The following CRHR2 variants were observed in gnomAD, a reference collection of about 807,000 sequenced individuals.
The protein encoded by CRHR2 is corticotropin releasing hormone receptor 2, also known as corticotropin-releasing hormone receptor 2.
A neutral mutation model predicts 57.9 loss-of-function variants in CRHR2; 53 were observed. The ratio of observed to expected loss-of-function variants is 0.92; its 90% CI spans 0.73 to 1.15. CRHR2 has a LOEUF of 1.15. Ranked by LOEUF, CRHR2 falls within the 50% of genes most tolerant of loss-of-function variation. CRHR2 has a pLI of 0.00. For missense variants in CRHR2, 532 were observed against 542.6 expected (o/e 0.98, Z 0.19); for synonymous variants, 213 against 220.9 (o/e 0.96, Z 0.32).
intron 1 of CRHR2, among the ~76,000 whole-genome samples, chr7:30,689,593 T>C (rs1378861596): frequency 7.6e-6 from 1 of 131,344 alleles, no homozygotes; most frequent in Non-Finnish European, 1.6e-5. Context: ...GCTTGTGTCC[T>C]TCTGTCAGCA....
chr7:30,695,311 G>A (rs1785035672), intron 1 of CRHR2, among the ~76,000 whole-genome samples: 2 of 152,046 alleles, frequency 1.3e-5, no homozygotes, highest in Admixed American at 1.3e-4. Flanking sequence ...TGGCCTCCTG[G>A]GCAGCTCCCA....
At chr7:30,654,791 T>C in intron 11 of CRHR2, 1 of 1,537,558 alleles carries the variant, frequency 6.5e-7, no homozygotes. Flanking sequence ...CGGCCTGGGC[T>C]TCCTTGCTCA....
At chr7:30,669,821 C>G (rs376062769) in intron 2 of CRHR2, among the ~76,000 whole-genome samples, 1 of 152,202 alleles carries the variant, frequency 6.6e-6, no homozygotes, top group South Asian at 2.1e-4. Context: ...TGTCCTGACC[C>G]ATCTCCAGCA....
chr7:30,692,450 G>A (rs1784980576), intron 1 of CRHR2, among the ~76,000 whole-genome samples: 1 of 152,216 alleles, frequency 6.6e-6, no homozygotes, highest in Admixed American at 6.5e-5. Flanking sequence ...CTCAGTGAAT[G>A]CTCATTGAGG....
chr7:30,655,437 G>A (rs1783745621), intron 10 of CRHR2, 143 bp downstream of exon 10: 1 of 1,064,388 alleles, frequency 9.4e-7, no homozygotes, highest in African/African-American at 1.6e-5. Context: ...GGCTCAGGCT[G>A]AGCATGTACG....
In CRHR2 at chr7:30,665,160, A is replaced by G. The variant is rs1419434665; in HGVS notation, c.453T>C (p.Ile151=). The G allele has an allele frequency of 6.2e-7, 1 of 1,614,108 alleles. No individual in the cohort carries two copies. Among genetic ancestry groups the G allele is most frequent in the South Asian group, 1.1e-5 (1 of 91,066 alleles). The change falls in exon 5 of 12, where the codon ATT becomes ATC. Residue 151 remains isoleucine (I), a synonymous_variant. Transcript: ENST00000471646. The surrounding 1 kb of genome is among the most constrained non-coding windows in gnomAD (Gnocchi z 4.5). ...LRSIRCLRNV[I]HWNLITTFIL... ...TAAAGGTGGTGATGAGGTTCCAGTG[A>G]ATCACATTCCGCAGACAGCGAATGC...
rs536734677 is a variant in CRHR2, at chr7:30,655,985, C to T, written c.859G>A (p.Val287Ile). 3.2e-5 allele frequency: 52 copies of T among 1,613,288 alleles called. No homozygotes were observed. The highest frequency in any genetic ancestry group is 1.9e-4 in the South Asian group (17 of 91,050). Residue 287 changes from valine to isoleucine, a missense_variant, in exon 9 of 12, where the codon GTC becomes ATC. By Grantham distance (29) the Val-to-Ile change is conservative. Coordinates refer to ENST00000471646, the MANE Select transcript of CRHR2 (RefSeq NM_001883.5). Reference protein sequence around the residue: ...LINFVFLFNIVRILMTKLRAS... With the variant: ...LINFVFLFNIIRILMTKLRAS... ...CGTAACTTTGTCATTAGGATCCTGA[C>T]GATGTTGAACAGAAATACGAAATTG... is the stretch of plus-strand genomic sequence containing the variant.
chr7:30,670,106 C>T (rs1051662089), intron 2 of CRHR2, among the ~76,000 whole-genome samples: 1 of 152,058 alleles, frequency 6.6e-6, no homozygotes, highest in African/African-American at 2.4e-5. Flanking sequence ...ATAACACATA[C>T]ATTTTATGTT....
chr7:30,696,102 A>T (rs576187419), intron 1 of CRHR2, among the ~76,000 whole-genome samples: 1 of 152,348 alleles, frequency 6.6e-6, no homozygotes, highest in South Asian at 2.1e-4. Context: ...AATTCAAAAC[A>T]ATCGCATGGA....
chr7:30,680,408 C>T (rs536580824), intron 2 of CRHR2, among the ~76,000 whole-genome samples: 36 of 152,294 alleles, frequency 2.4e-4, no homozygotes, highest in Non-Finnish European at 3.4e-4. Flanking sequence ...GGGGTAAGAA[C>T]GAAAGCAGAG....
intron 2 of CRHR2, among the ~76,000 whole-genome samples, chr7:30,671,980 A>T (rs1054278201): frequency 1.4e-4 from 22 of 152,196 alleles, no homozygotes; most frequent in African/African-American, 5.3e-4. Context: ...CAGAAGCAAT[A>T]TTTACAGAAG....
At chr7:30,683,456 G>T (rs1784790604), upstream of CRHR2, among the ~76,000 whole-genome samples, 1 of 152,160 alleles carries the variant, frequency 6.6e-6, no homozygotes, top group Non-Finnish European at 1.5e-5. Context: ...CCTCCTTGGT[G>T]ATCTGCTGTG....
chr7:30,658,229 C>T (rs1444127709), intron 8 of CRHR2, among the ~76,000 whole-genome samples: 1 of 152,240 alleles, frequency 6.6e-6, no homozygotes, highest in African/African-American at 2.4e-5. Flanking sequence ...ACTCTACCTC[C>T]CTGCTAAAAA....
At chr7:30,683,531 C>T (rs41516944), upstream of CRHR2, among the ~76,000 whole-genome samples, 733 of 152,132 alleles carry the variant, frequency 4.8e-3, 8 homozygotes, top group African/African-American at 0.017. Context: ...GCATTGGGCT[C>T]GGGAAGCAGG....
chr7:30,687,126 T>C (rs1429791712), upstream of CRHR2, among the ~76,000 whole-genome samples: 1 of 152,092 alleles, frequency 6.6e-6, no homozygotes, highest in African/African-American at 2.4e-5. Flanking sequence ...AAAGATATAG[T>C]GTTTGGTTTT....
chr7:30,697,088 G>A (rs566155693), intron 1 of CRHR2, among the ~76,000 whole-genome samples: 3 of 152,330 alleles, frequency 2.0e-5, no homozygotes, highest in South Asian at 2.1e-4. Flanking sequence ...CTGGAGCCCC[G>A]GCTCTGCAGA....
upstream of CRHR2, among the ~76,000 whole-genome samples, chr7:30,684,342 C>G (rs1207653677): frequency 1.3e-5 from 2 of 152,198 alleles, no homozygotes; most frequent in Admixed American, 6.5e-5. Flanking sequence ...CAGCACGGTG[C>G]AGCACAGAGG....
chr7:30,687,808 C>A (rs1412294526), intron 2 of CRHR2, among the ~76,000 whole-genome samples: 1 of 152,178 alleles, frequency 6.6e-6, no homozygotes, highest in East Asian at 1.9e-4. Context: ...TGCTGACAAA[C>A]CCACGCTGCC....
chr7:30,659,236 A>G (rs867486743), intron 8 of CRHR2, among the ~76,000 whole-genome samples: 1 of 152,186 alleles, frequency 6.6e-6, no homozygotes, highest in Non-Finnish European at 1.5e-5. Context: ...GGAGCCAGAG[A>G]ATGGGTCTGG....
Sources: allele counts gnomAD v4.1 joint callset (sites outside exome capture counted in the v4.1 genomes callset), GRCh38; gene constraint gnomAD v4.1.1; non-coding constraint Gnocchi (gnomAD v3.1); transcripts MANE v1.5; gene names NCBI Gene and HGNC (gene_info 2026-07-23, HGNC 2026-07-21).